QSOX2: variants seen among roughly 807,000 people sequenced by gnomAD.
The protein encoded by QSOX2 is quiescin sulfhydryl oxidase 2.
A neutral mutation model predicts 61.7 loss-of-function variants in QSOX2; 46 were observed. The ratio of observed to expected loss-of-function variants is 0.75; its 90% CI spans 0.59 to 0.95. The LOEUF is 0.95. QSOX2 is among the 40% of genes least tolerant of loss of function. QSOX2 has a pLI of 0.00. For synonymous variants in QSOX2, 383 were observed against 388.4 expected (o/e 0.99, Z 0.16); for missense variants, 879 against 918.9 (o/e 0.96, Z 0.56).
At chr9:136,241,892 A>G (rs1830436153) in intron 1 of QSOX2, among the ~76,000 whole-genome samples, 1 of 152,206 alleles carries the variant, frequency 6.6e-6, no homozygotes, top group African/African-American at 2.4e-5. Context: ...AGGGCCACAG[A>G]GGGCGCACGG....
chr9:136,243,716 T>C (rs993962986), intron 1 of QSOX2, among the ~76,000 whole-genome samples: 6 of 152,270 alleles, frequency 3.9e-5, no homozygotes, highest in African/African-American at 1.4e-4. Context: ...TTTGGCTTTT[T>C]AGCCAACAGG....
chr9:136,210,392 G>A, intron 11 of QSOX2: 2 of 985,466 alleles, frequency 2.0e-6, no homozygotes, highest in South Asian at 4.7e-5. Flanking sequence ...GCGGGCTGGG[G>A]CCACAGGTAG....
intron 11 of QSOX2, among the ~76,000 whole-genome samples, 160 bp downstream of exon 11, chr9:136,211,104 A>C (rs1240080364): frequency 6.6e-6 from 1 of 152,248 alleles, no homozygotes; most frequent in Non-Finnish European, 1.5e-5. Context: ...CAGCTCTGGC[A>C]GCTCTCAGCC....
intron 6 of QSOX2, among the ~76,000 whole-genome samples, chr9:136,220,224 C>T (rs1050655921): frequency 1.3e-5 from 2 of 152,150 alleles, no homozygotes; most frequent in Non-Finnish European, 2.9e-5. Context: ...AGGCTGGAGT[C>T]TCACTATCAA....
rs764747390 is a variant in QSOX2 at position 136,219,100 on chromosome 9, A to AT, written c.885dup (p.Ser296IlefsTer6). The stretch of plus-strand genomic sequence containing the variant: ...TGTGGCTTTTCAGGCAAGGGAAGCG[A>AT]TTTTTTCCTCACATCCGGCAATGAC... On this transcript the variant is annotated frameshift_variant, in exon 7 of 12. Coordinates refer to ENST00000358701, the MANE Select transcript of QSOX2 (RefSeq NM_181701.4). LOFTEE classifies it high-confidence loss of function. 3.7e-6 allele frequency: 6 copies of AT among 1,613,988 alleles called. No homozygotes were observed. The highest frequency in any genetic ancestry group is 5.1e-6 in the Non-Finnish European group (6 of 1,179,984).
At chr9:136,217,671 C>T (rs570882462) in intron 8 of QSOX2, among the ~76,000 whole-genome samples, 31 of 152,350 alleles carry the variant, frequency 2.0e-4, no homozygotes, top group Non-Finnish European at 2.9e-4. Flanking sequence ...AAGGGGAAGA[C>T]GGAGAAGCCG....
In QSOX2 at chr9:136,222,460, C is replaced by T. The variant is rs1830228495; in HGVS notation, c.676-519G>A. 6.6e-6 allele frequency among the ~76,000 whole-genome samples: 1 copy of T among 152,186 alleles called. No homozygotes were observed. The highest frequency in any genetic ancestry group is 2.4e-5 in the African/African-American group (1 of 41,436). On this transcript the variant is annotated intron_variant, in intron 5 of 11. Coordinates refer to ENST00000358701, the MANE Select transcript of QSOX2 (RefSeq NM_181701.4). The surrounding 1 kb of genome is among the most constrained non-coding windows in gnomAD (Gnocchi z 6.9). ...GGCATCTCAGGATTTTGGAAGAAAC[C>T]CTGCGTGCGCCACCACCACATCGGG...
At chr9:136,218,992 ACT>A (rs771384898) in intron 7 of QSOX2, 36 bp downstream of exon 7, 31 of 1,610,624 alleles carry the variant, frequency 1.9e-5, no homozygotes, top group Non-Finnish European at 2.6e-5. Flanking sequence ...GTCTACACGC[ACT>A]GTCTCCGGGG....
intron 1 of QSOX2, among the ~76,000 whole-genome samples, chr9:136,232,043 G>A (rs1321178902): frequency 1.3e-5 from 2 of 152,184 alleles, no homozygotes; most frequent in Non-Finnish European, 2.9e-5. Context: ...AGGAAACTAA[G>A]GAAGTCCTCA....
chr9:136,210,833 A>G (rs1831835125), intron 11 of QSOX2: 1 of 975,682 alleles, frequency 1.0e-6, no homozygotes, highest in Non-Finnish European at 1.2e-6. Context: ...CTATTTAATT[A>G]TTTTTTTTTA....
At chr9:136,220,308 T>C (rs1352271699) in intron 6 of QSOX2, among the ~76,000 whole-genome samples, 2 of 152,220 alleles carry the variant, frequency 1.3e-5, no homozygotes, top group African/African-American at 2.4e-5. Flanking sequence ...GGATTACAGG[T>C]GTGAGCCTGG....
At chr9:136,228,777 G>A (rs889027800) in intron 1 of QSOX2, among the ~76,000 whole-genome samples, 2 of 152,254 alleles carry the variant, frequency 1.3e-5, no homozygotes, top group African/African-American at 4.8e-5. Flanking sequence ...GAACGGGAGG[G>A]AACGTTATGT....
At chr9:136,212,329 T>C (rs754557181) in intron 10 of QSOX2, among the ~76,000 whole-genome samples, 3 of 152,148 alleles carry the variant, frequency 2.0e-5, no homozygotes, top group African/African-American at 7.2e-5. Context: ...ACAGATTACA[T>C]GTCAGCATTA....
rs1028568956 is a variant in QSOX2 at position 136,221,051 on chromosome 9, C to T, written c.821+745G>A. 9.2e-5 allele frequency among the ~76,000 whole-genome samples: 14 copies of T among 152,142 alleles called. No homozygotes were observed. The highest frequency in any genetic ancestry group is 2.1e-4 in the South Asian group (1 of 4,836). ...ATCCGAGGGGCACACAGGCACTCCA[C>T]GCAGAGGCAAAGGGCTTATCCTCAT... On this transcript the variant is annotated intron_variant, in intron 6 of 11. Coordinates refer to ENST00000358701, the MANE Select transcript of QSOX2 (RefSeq NM_181701.4). This position sits in a 1 kb window ranked among gnomAD's most constrained non-coding sequence, Gnocchi z 4.5.
intron 11 of QSOX2, chr9:136,210,291 G>C (rs1451008398): frequency 3.0e-6 from 3 of 985,512 alleles, no homozygotes; most frequent in South Asian, 4.7e-5. Context: ...CTGGAGGTGG[G>C]ACTGGAGTGG....
intron 1 of QSOX2, 115 bp from the exon 2 acceptor site, chr9:136,226,989 C>T: frequency 1.3e-6 from 1 of 779,590 alleles, no homozygotes; most frequent in Admixed American, 1.9e-5. Context: ...CCACCTGCCC[C>T]CTCTAGGTCA....
At chr9:136,218,533 G>C (rs1339356758) in intron 8 of QSOX2, 146 bp downstream of exon 8, 7 of 954,464 alleles carry the variant, frequency 7.3e-6, no homozygotes, top group Non-Finnish European at 4.6e-6. Flanking sequence ...GGTGGAATGA[G>C]TTGGGGCGTG....
chr9:136,231,418 G>A (rs1051221241), intron 1 of QSOX2, among the ~76,000 whole-genome samples: 6 of 152,198 alleles, frequency 3.9e-5, no homozygotes, highest in African/African-American at 1.4e-4. Context: ...AAAGGCTCCC[G>A]CAGGACACGC....
chr9:136,239,145 T>G (rs560589465), intron 1 of QSOX2, among the ~76,000 whole-genome samples: 1 of 152,318 alleles, frequency 6.6e-6, no homozygotes, highest in African/African-American at 2.4e-5. Context: ...TCTTTCTAAT[T>G]GGTCTGTTCA....
Sources: allele counts gnomAD v4.1 joint callset (sites outside exome capture counted in the v4.1 genomes callset), GRCh38; gene constraint gnomAD v4.1.1; non-coding constraint Gnocchi (gnomAD v3.1); transcripts MANE v1.5; gene names NCBI Gene and HGNC (gene_info 2026-07-23, HGNC 2026-07-21).